Variants in TASP1 observed in about 807,000 individuals in gnomAD.
The protein encoded by TASP1 is threonine aspartase 1.
In TASP1, 16 loss-of-function variants were observed where a neutral mutation model predicts 56.6. The ratio of observed to expected loss-of-function variants is 0.28; its 90% confidence interval spans 0.19 to 0.43. The LOEUF (loss-of-function observed/expected upper bound fraction) is 0.43, where lower values mean the gene tolerates loss of function less well. Among genes scored for constraint, TASP1 ranks in the 20% least tolerant of loss-of-function variants. The pLI, the probability that TASP1 is intolerant of heterozygous loss-of-function variation, is 1.00. For missense variants in TASP1, 393 were observed against 511.6 expected (o/e 0.77, Z 2.24); for synonymous variants, 179 against 184.2 (o/e 0.97, Z 0.23).
chr20:13,461,147 T>C (rs2044037124), intron 11 of TASP1, among the ~76,000 whole-genome samples: 1 of 152,158 alleles, frequency 6.6e-6, no homozygotes, highest in African/African-American at 2.4e-5. Context: ...GGTACGTTCT[T>C]CCCTCCACTG....
At chr20:13,613,980 T>C (rs930012281) in intron 4 of TASP1, among the ~76,000 whole-genome samples, 10 of 152,162 alleles carry the variant, frequency 6.6e-5, no homozygotes, top group African/African-American at 2.4e-4. Flanking sequence ...AGGTATTCTT[T>C]CTTTTTTGGC....
chr20:13,224,897 G>A, the TASP1 span, among the ~76,000 whole-genome samples: 1 of 143,036 alleles, frequency 7.0e-6, no homozygotes, highest in East Asian at 2.1e-4. Flanking sequence ...CCAGGCTGGA[G>A]TGCAGTGGCG....
At chr20:13,466,569 AC>A (rs2044268113) in intron 11 of TASP1, among the ~76,000 whole-genome samples, 1 of 151,772 alleles carries the variant, frequency 6.6e-6, no homozygotes, top group Non-Finnish European at 1.5e-5. Flanking sequence ...ACACAGTGAA[AC>A]CCCGTCACCA....
chr20:13,199,267 T>A, the TASP1 span, among the ~76,000 whole-genome samples: 1 of 152,144 alleles, frequency 6.6e-6, no homozygotes, highest in African/African-American at 2.4e-5. Context: ...CAAAGGCACA[T>A]GCTCATTATT....
At chr20:13,600,219 T>C (rs576820685) in intron 4 of TASP1, among the ~76,000 whole-genome samples, 11 of 152,284 alleles carry the variant, frequency 7.2e-5, no homozygotes, top group African/African-American at 2.2e-4. Flanking sequence ...ACAATCCCAA[T>C]ATAAATTCCG....
Position 13,457,590 on chromosome 20 carries a change from C to T in TASP1, c.986-22436G>A, listed in dbSNP as rs143734554. 8.0e-4 allele frequency among the ~76,000 whole-genome samples: 122 copies of T among 151,970 alleles called. 1 individual carries two copies. The highest frequency in any genetic ancestry group is 2.7e-3 in the African/African-American group (110 of 41,488). On this transcript the variant is annotated intron_variant, in intron 11 of 13. Transcript: ENST00000337743. The stretch of plus-strand genomic sequence containing the variant: ...TAGATAAACTCACAACTTTTTAATG[C>T]TTTTTTTCTTTTTAATTTTATTTTA...
At chr20:13,371,605 T>G in the TASP1 span, among the ~76,000 whole-genome samples, 1 of 152,180 alleles carries the variant, frequency 6.6e-6, no homozygotes, top group Non-Finnish European at 1.5e-5. Flanking sequence ...CTTGTGCACT[T>G]GAGAAGAATG....
chr20:13,185,586 C>T, the TASP1 span, among the ~76,000 whole-genome samples: 7 of 152,144 alleles, frequency 4.6e-5, no homozygotes, highest in South Asian at 1.5e-3. Flanking sequence ...TTTTCTGTAT[C>T]CTTAATTTTT....
At chr20:13,304,654 G>C in the TASP1 span, among the ~76,000 whole-genome samples, 1 of 152,178 alleles carries the variant, frequency 6.6e-6, no homozygotes, top group South Asian at 2.1e-4. Context: ...CTGAGTGCCT[G>C]TCAGTCAACT....
Position 13,458,735 on chromosome 20 carries a change from T to A in TASP1, c.986-23581A>T, listed in dbSNP as rs1568828652. Among the ~76,000 whole-genome samples, 3 of 152,152 alleles carry A rather than the reference T, an allele frequency of 2.0e-5. No individual in the cohort carries two copies. The South Asian group carries it at 6.2e-4, about 31-fold the overall frequency. On this transcript the variant is annotated intron_variant, in intron 11 of 13. Coordinates refer to ENST00000337743, the MANE Select transcript of TASP1 (RefSeq NM_017714.3). ...CAGCTGGGCTCCATCCCAGGACTCC[T>A]AAGCCCTGTGGTTGTTGCATGTTCA...
the TASP1 span, among the ~76,000 whole-genome samples, chr20:13,226,933 G>A: frequency 1.6e-4 from 25 of 152,252 alleles, no homozygotes; most frequent in African/African-American, 6.0e-4. Flanking sequence ...CGTACAGGGA[G>A]GAATCATAGG....
chr20:13,492,202 G>A lies in TASP1; in HGVS notation c.875-8865C>T, dbSNP rs146485306. ...TTACTGATGATTTTGAAGTATTTATGTCATCTTATAAATGCTGCCATTCAC... is the reference window on the plus strand; with the variant it reads ...TTACTGATGATTTTGAAGTATTTATATCATCTTATAAATGCTGCCATTCAC... On this transcript the variant is annotated intron_variant, in intron 10 of 13. Transcript: ENST00000337743. 1.8e-3 allele frequency among the ~76,000 whole-genome samples: 272 copies of A among 152,298 alleles called. 1 individual carries two copies. The highest frequency in any genetic ancestry group is 6.3e-3 in the African/African-American group (263 of 41,576).
At chr20:13,159,407 A>G in the TASP1 span, among the ~76,000 whole-genome samples, 8 of 152,102 alleles carry the variant, frequency 5.3e-5, no homozygotes, top group East Asian at 1.2e-3. Context: ...AGACCTTGCT[A>G]TTTCTTATCT....
At chr20:13,507,324 G>A (rs755463761) in intron 10 of TASP1, among the ~76,000 whole-genome samples, 3 of 152,102 alleles carry the variant, frequency 2.0e-5, no homozygotes, top group Non-Finnish European at 2.9e-5. Context: ...CTTGAGTCCA[G>A]GAGTTTGAGA....
chr20:13,240,707 T>C, the TASP1 span, among the ~76,000 whole-genome samples: 1 of 152,148 alleles, frequency 6.6e-6, no homozygotes, highest in African/African-American at 2.4e-5. Flanking sequence ...AACATAGATA[T>C]GTTAGAAAAT....
chr20:13,471,493 C>A lies in TASP1; in HGVS notation c.985+11734G>T, dbSNP rs188215080. Among the ~76,000 whole-genome samples, 10 of 152,140 alleles carry A rather than the reference C, an allele frequency of 6.6e-5. No individual in the cohort carries two copies. In the East Asian group the frequency reaches 1.9e-3, roughly 29 times the overall value. On this transcript the variant is annotated intron_variant, in intron 11 of 13. Transcript: ENST00000337743. ...AATCTAAACTCCAGCTATTCAAATG[C>A]CTCTTTCCCCACATCTGTCACATTT... is the stretch of plus-strand genomic sequence containing the variant.
intron 1 of TASP1, among the ~76,000 whole-genome samples, chr20:13,637,900 T>C (rs2049368150): frequency 6.6e-6 from 1 of 152,240 alleles, no homozygotes; most frequent in Admixed American, 6.5e-5. Context: ...ATGAATACCT[T>C]AATAAGACTT....
intron 10 of TASP1, among the ~76,000 whole-genome samples, chr20:13,509,124 A>AGTGTGTGTGTGTGTGTGT (rs71334125): frequency 7.0e-5 from 10 of 142,880 alleles, no homozygotes; most frequent in South Asian, 2.3e-4. Context: ...GAATGAAGAA[A>AGTGTGTGTGTGTGTGTGT]GTGTGTGTGT....
intron 8 of TASP1, among the ~76,000 whole-genome samples, 189 bp downstream of exon 8, chr20:13,558,819 T>C (rs1242067562): frequency 6.6e-6 from 1 of 152,172 alleles, no homozygotes; most frequent in Non-Finnish European, 1.5e-5. Context: ...TGTTTCTTTC[T>C]ACTTTCTTTT....
Sources: allele counts gnomAD v4.1 joint callset (sites outside exome capture counted in the v4.1 genomes callset), GRCh38; gene constraint gnomAD v4.1.1; transcripts MANE v1.5; gene names NCBI Gene and HGNC (gene_info 2026-07-23, HGNC 2026-07-21).